The following ZNF540 variants were observed in gnomAD, a reference collection of about 807,000 sequenced individuals.
ZNF540 encodes CTD-3064H18.6.
In ZNF540, 3 loss-of-function variants were observed where a neutral mutation model predicts 11.8. The observed-to-expected ratio is 0.25, with a 90% CI of 0.12 to 0.65. The LOEUF is 0.65. ZNF540 is among the 30% of genes least tolerant of loss of function. The pLI, the probability that ZNF540 is intolerant of heterozygous loss-of-function variation, is 0.83. For missense variants in ZNF540, 709 were observed against 793.1 expected (o/e 0.89, Z 1.27); for synonymous variants, 247 against 259.0 (o/e 0.95, Z 0.45).
intron 4 of ZNF540, 127 bp downstream of exon 4, chr19:37,601,232 T>A: frequency 2.8e-6 from 2 of 704,486 alleles, no homozygotes; most frequent in South Asian, 2.1e-5. Flanking sequence ...GCCTTTGGAG[T>A]AAAGGTTAAG....
At chr19:37,551,594 C>T (rs937462022) in exon 1 of ZNF540, 3 of 152,414 alleles carry the variant, frequency 2.0e-5, no homozygotes, top group Non-Finnish European at 2.9e-5. Flanking sequence ...CGGATCTCCC[C>T]GACGCGTCAG....
intron 1 of ZNF540, among the ~76,000 whole-genome samples, chr19:37,567,228 C>A (rs1375037132): frequency 6.6e-6 from 1 of 152,200 alleles, no homozygotes; most frequent in Non-Finnish European, 1.5e-5. Flanking sequence ...CATGCTTAAT[C>A]AAAGCAAGGG....
At chr19:37,566,392 G>T in intron 1 of ZNF540, 1 of 1,351,624 alleles carries the variant, frequency 7.4e-7, no homozygotes, top group Non-Finnish European at 1.0e-6. Flanking sequence ...ATTAAGAATA[G>T]AATGGCTTAA....
Position 37,613,150 on chromosome 19 carries a change from G to C in ZNF540, c.1870G>C (p.Glu624Gln). 6.2e-7 allele frequency: 1 copy of C among 1,613,792 alleles called. No homozygotes were observed. The highest frequency in any genetic ancestry group is 2.2e-5 in the East Asian group (1 of 44,860). Residue 624 changes from glutamate to glutamine, a missense_variant, in exon 5 of 5, where the codon GAA becomes CAA. By Grantham distance (29) the Glu-to-Gln change is conservative (BLOSUM62 2). Coordinates refer to ENST00000316433, the MANE Select transcript of ZNF540 (RefSeq NM_001172225.3). ...CTTTAGACTTAATTCACACCTTACT[G>C]AACATCAGAGAATTCACACTGGTGA... Reference protein sequence around the residue: ...KAFRLNSHLTEHQRIHTGEKP... With the variant: ...KAFRLNSHLTQHQRIHTGEKP...
At chr19:37,566,145 T>G in intron 1 of ZNF540, 1 of 1,614,026 alleles carries the variant, frequency 6.2e-7, no homozygotes, top group East Asian at 2.2e-5. Context: ...CCCTCTAAGT[T>G]GCCTTTGCAC....
rs1340383068 is a variant in ZNF540 at position 37,611,686 on chromosome 19, G to A, written c.406G>A (p.Glu136Lys). ...GTTTGAGGGTCAACAGGGACTTAAA[G>A]AAAGATCTATCAGTCAAAAGAAAAT... ...SEFEGQQGLK[E>K]RSISQKKIVS... Residue 136 changes from glutamate to lysine, a missense_variant, in exon 5 of 5, where the codon GAA becomes AAA. Glu to Lys is a moderately conservative substitution (Grantham distance 56). Transcript: ENST00000316433. 4 of 1,613,894 alleles carry A rather than the reference G, an allele frequency of 2.5e-6. No homozygotes were observed. The highest frequency in any genetic ancestry group is 3.3e-4 in the Middle Eastern group (2 of 6,050).
intron 1 of ZNF540, among the ~76,000 whole-genome samples, chr19:37,579,197 C>G (rs546138584): frequency 2.0e-5 from 3 of 152,338 alleles, no homozygotes; most frequent in Admixed American, 2.0e-4. Context: ...CCCACCTCCC[C>G]ACATCATAGC....
chr19:37,582,545 G>A (rs1032780464), intron 1 of ZNF540, among the ~76,000 whole-genome samples: 6 of 151,960 alleles, frequency 3.9e-5, no homozygotes, highest in South Asian at 2.1e-4. Flanking sequence ...TCAGTTCCTC[G>A]GTACAGAGAG....
chr19:37,613,645 A>C lies in ZNF540; in HGVS notation c.*382A>C. The C allele has an allele frequency of 2.5e-6, 1 of 397,246 alleles. No individual in the cohort carries two copies. 24.6% of individuals were successfully genotyped at this position (397,246 alleles called of 1,614,324 possible). Reference sequence around the variant, plus strand: ...TATCTGGCCCAAACTGCTTTGGATTAATATTGGATATTACTGTTTTTATTA... The same window carrying C: ...TATCTGGCCCAAACTGCTTTGGATTCATATTGGATATTACTGTTTTTATTA... On this transcript the variant is annotated 3_prime_UTR_variant, in exon 5 of 5. Coordinates refer to ENST00000316433, the MANE Select transcript of ZNF540 (RefSeq NM_001172225.3).
chr19:37,607,457 T>G (rs1360597499), intron 4 of ZNF540, among the ~76,000 whole-genome samples: 1 of 152,212 alleles, frequency 6.6e-6, no homozygotes, highest in Non-Finnish European at 1.5e-5. Context: ...AAAATTTCTC[T>G]GTGTTTGGCC....
intron 1 of ZNF540, among the ~76,000 whole-genome samples, chr19:37,559,987 A>AT (rs1219709764): frequency 2.0e-5 from 3 of 152,158 alleles, no homozygotes; most frequent in Admixed American, 1.3e-4. Flanking sequence ...GTTTTTAAAA[A>AT]TTTTTTTAGC....
chr19:37,586,590 A>G (rs2043681456), intron 1 of ZNF540: 2 of 1,567,194 alleles, frequency 1.3e-6, no homozygotes, highest in Non-Finnish European at 1.8e-6. Context: ...ACAAGGCAGG[A>G]AATTCTGGGA....
intron 4 of ZNF540, among the ~76,000 whole-genome samples, chr19:37,605,516 C>T (rs1043878171): frequency 6.6e-6 from 1 of 151,932 alleles, no homozygotes; most frequent in African/African-American, 2.4e-5. Context: ...GGTGTGGTGG[C>T]GTGTGCCTGT....
At chr19:37,587,512 C>T (rs574415547) in intron 1 of ZNF540, among the ~76,000 whole-genome samples, 1 of 152,318 alleles carries the variant, frequency 6.6e-6, no homozygotes, top group East Asian at 1.9e-4. Context: ...CACAGCACGC[C>T]CCCTCTTGCA....
At chr19:37,574,821 A>G (rs898803673) in intron 1 of ZNF540, among the ~76,000 whole-genome samples, 4 of 152,164 alleles carry the variant, frequency 2.6e-5, no homozygotes, top group Non-Finnish European at 4.4e-5. Context: ...TAGCTATCTA[A>G]TTTCCCAGAG....
chr19:37,610,027 T>G (rs1222019391), intron 4 of ZNF540, among the ~76,000 whole-genome samples: 1 of 152,152 alleles, frequency 6.6e-6, no homozygotes, highest in Non-Finnish European at 1.5e-5. Context: ...AAAGGATGAG[T>G]AGGCAAAACA....
chr19:37,563,088 G>A (rs1354346283), intron 1 of ZNF540: 1 of 152,166 alleles, frequency 6.6e-6, no homozygotes, highest in African/African-American at 2.4e-5. Flanking sequence ...CAGCACTTCT[G>A]GAGGCTGAGG....
intron 1 of ZNF540, among the ~76,000 whole-genome samples, chr19:37,588,316 C>T (rs1483881990): frequency 6.6e-6 from 1 of 151,838 alleles, no homozygotes; most frequent in Non-Finnish European, 1.5e-5. Flanking sequence ...AAAAAAATGC[C>T]TGATAATAAA....
intron 4 of ZNF540, among the ~76,000 whole-genome samples, chr19:37,601,907 A>C (rs1251255201): frequency 6.6e-6 from 1 of 152,234 alleles, no homozygotes; most frequent in Non-Finnish European, 1.5e-5. Context: ...TGTTTATCAT[A>C]GTAAGAAATT....
Sources: gnomAD v4.1 joint callset for allele counts (sites outside exome capture counted in the v4.1 genomes callset) on GRCh38, gnomAD v4.1.1 for gene constraint, MANE v1.5 for transcripts, NCBI Gene and HGNC (gene_info 2026-07-23, HGNC 2026-07-21) for gene names.